ZHX2: variants seen among roughly 807,000 people sequenced by gnomAD.
The protein encoded by ZHX2 is zinc fingers and homeoboxes 2, also known as zinc fingers and homeoboxes protein 2.
Under a neutral mutation model 21.9 loss-of-function variants are expected in ZHX2, and 6 were observed. The ratio of observed to expected loss-of-function variants is 0.27; its 90% CI spans 0.15 to 0.54. The LOEUF (loss-of-function observed/expected upper bound fraction) is 0.54, where lower values mean the gene tolerates loss of function less well. Ranked by LOEUF, ZHX2 falls within the 20% of genes least tolerant of loss-of-function variation. The pLI is 0.95. For synonymous variants in ZHX2, 434 were observed against 437.1 expected (o/e 0.99, Z 0.09); for missense variants, 908 against 1,090.7 (o/e 0.83, Z 2.36).
chr8:122,924,200 G>A (rs759806236), intron 2 of ZHX2, among the ~76,000 whole-genome samples: 10 of 152,132 alleles, frequency 6.6e-5, no homozygotes, highest in East Asian at 1.9e-4. Context: ...CAACAGGGCC[G>A]TGCTCCCTCT....
intron 2 of ZHX2, among the ~76,000 whole-genome samples, chr8:122,935,019 G>A (rs779859341): frequency 6.6e-6 from 1 of 152,146 alleles, no homozygotes; most frequent in Admixed American, 6.5e-5. Flanking sequence ...TCAAGACAGT[G>A]CATCATTTTG....
chr8:122,931,835 A>T (rs1586398738), intron 2 of ZHX2, among the ~76,000 whole-genome samples: 1 of 152,318 alleles, frequency 6.6e-6, no homozygotes, highest in East Asian at 1.9e-4. Context: ...TGGGAGAAGG[A>T]AATGAGTGGG....
At chr8:122,921,820 T>G (rs911862623) in intron 2 of ZHX2, among the ~76,000 whole-genome samples, 1 of 152,144 alleles carries the variant, frequency 6.6e-6, no homozygotes, top group Non-Finnish European at 1.5e-5. Context: ...ATTTTTCTTG[T>G]GAAGTATACC....
At chr8:122,870,789 C>T (rs1819414242) in intron 2 of ZHX2, among the ~76,000 whole-genome samples, 2 of 151,948 alleles carry the variant, frequency 1.3e-5, no homozygotes, top group African/African-American at 4.8e-5. Flanking sequence ...GTGACCCTCT[C>T]AACTGAGCAG....
At chr8:122,911,096 A>G (rs749402186) in intron 2 of ZHX2, among the ~76,000 whole-genome samples, 4 of 152,168 alleles carry the variant, frequency 2.6e-5, no homozygotes, top group Non-Finnish European at 5.9e-5. Context: ...GGGTTTGTAC[A>G]TCGGTCTACA....
chr8:122,790,278 G>A (rs1685133247), intron 1 of ZHX2, among the ~76,000 whole-genome samples: 1 of 152,170 alleles, frequency 6.6e-6, no homozygotes, highest in South Asian at 2.1e-4. Context: ...TTGGCCCAAG[G>A]TTATACAGTC....
chr8:122,910,274 G>A (rs190599110), intron 2 of ZHX2, among the ~76,000 whole-genome samples: 164 of 152,192 alleles, frequency 1.1e-3, no homozygotes, highest in African/African-American at 3.6e-3. Flanking sequence ...AGTAGGTCTC[G>A]GCATTATCTT....
At chr8:122,833,952 G>A (rs1038351717) in intron 1 of ZHX2, among the ~76,000 whole-genome samples, 4 of 151,532 alleles carry the variant, frequency 2.6e-5, no homozygotes, top group Non-Finnish European at 5.9e-5. Flanking sequence ...AGCTGAGATC[G>A]CGCCACTGCA....
chr8:122,862,824 C>G (rs1037598330), intron 1 of ZHX2, among the ~76,000 whole-genome samples: 6 of 152,322 alleles, frequency 3.9e-5, no homozygotes, highest in African/African-American at 1.2e-4. Flanking sequence ...GGTGGCTGCT[C>G]CGTGCACATG....
chr8:122,823,367 G>A (rs1376940931), intron 1 of ZHX2, among the ~76,000 whole-genome samples: 1 of 152,198 alleles, frequency 6.6e-6, no homozygotes, highest in Non-Finnish European at 1.5e-5. Context: ...TCTAACCATG[G>A]GTTAAATGTA....
chr8:122,784,522 C>T (rs1817356200), intron 1 of ZHX2, among the ~76,000 whole-genome samples: 1 of 152,124 alleles, frequency 6.6e-6, no homozygotes. Context: ...AGGGTCAGGT[C>T]CAGCAGAAAA....
At chr8:122,788,546 G>A (rs1817448237) in intron 1 of ZHX2, among the ~76,000 whole-genome samples, 1 of 152,182 alleles carries the variant, frequency 6.6e-6, no homozygotes, top group Non-Finnish European at 1.5e-5. Flanking sequence ...CAGCCTGAGT[G>A]AGAGAGCAAG....
chr8:122,912,317 C>T (rs903138699), intron 2 of ZHX2, among the ~76,000 whole-genome samples: 4 of 152,230 alleles, frequency 2.6e-5, no homozygotes, highest in African/African-American at 9.6e-5. Flanking sequence ...TCATGTCCAC[C>T]AGCCACAGGC....
At chr8:122,833,910 T>C (rs1333290743) in intron 1 of ZHX2, among the ~76,000 whole-genome samples, 1 of 150,906 alleles carries the variant, frequency 6.6e-6, no homozygotes, top group African/African-American at 2.4e-5. Flanking sequence ...GGCAGGAGAA[T>C]GGCGTGAACC....
At chr8:122,948,965 T>C (rs1400375109) in intron 2 of ZHX2, among the ~76,000 whole-genome samples, 2 of 152,216 alleles carry the variant, frequency 1.3e-5, no homozygotes, top group African/African-American at 4.8e-5. Flanking sequence ...TTGGTAAATC[T>C]ATTAGCTAAA....
intron 2 of ZHX2, among the ~76,000 whole-genome samples, chr8:122,864,575 A>C (rs1362430013): frequency 6.6e-6 from 1 of 152,094 alleles, no homozygotes; most frequent in Non-Finnish European, 1.5e-5. Flanking sequence ...GACTCGGCCC[A>C]AGATCCAGAC....
intron 2 of ZHX2, among the ~76,000 whole-genome samples, chr8:122,903,512 T>A (rs1453592124): frequency 1.3e-5 from 2 of 152,182 alleles, no homozygotes; most frequent in Non-Finnish European, 1.5e-5. Context: ...ATGGGTCTTG[T>A]GTGCAGGGAT....
At chr8:122,904,248 T>C (rs1006152709) in intron 2 of ZHX2, among the ~76,000 whole-genome samples, 2 of 152,108 alleles carry the variant, frequency 1.3e-5, no homozygotes, top group Non-Finnish European at 2.9e-5. Context: ...CCAAAAACTT[T>C]TAGACAGTAA....
chr8:122,834,121 C>T (rs1484008606), intron 1 of ZHX2, among the ~76,000 whole-genome samples: 3 of 152,148 alleles, frequency 2.0e-5, no homozygotes, highest in African/African-American at 7.2e-5. Context: ...TGGGTGGGTC[C>T]TGAAAAATTA....
Sources: allele counts gnomAD v4.1 joint callset (sites outside exome capture counted in the v4.1 genomes callset), GRCh38; gene constraint gnomAD v4.1.1; transcripts MANE v1.5; gene names NCBI Gene and HGNC (gene_info 2026-07-23, HGNC 2026-07-21).